PDE4D: variants seen among roughly 807,000 people sequenced by gnomAD.
The protein encoded by PDE4D is phosphodiesterase 4D, also known as 3',5'-cyclic-AMP phosphodiesterase 4D.
Under a neutral mutation model 87.4 loss-of-function variants are expected in PDE4D, and 24 were observed. The observed-to-expected ratio is 0.27, with a 90% CI of 0.20 to 0.39. PDE4D has a LOEUF of 0.39. Ranked by LOEUF, PDE4D falls within the 10% of genes least tolerant of loss-of-function variation. The probability of loss-of-function intolerance (pLI) is 1.00; values close to 1 mark genes in which losing one functional copy is unlikely to be tolerated. For synonymous variants in PDE4D, 384 were observed against 383.2 expected, an observed-to-expected ratio of 1.00 and a Z score of -0.02; for missense variants, 714 against 1,041.0, an observed-to-expected ratio of 0.69 and a Z score of 4.32.
chr5:59,204,669 C>T (rs532518431), intron 2 of PDE4D, among the ~76,000 whole-genome samples: 1 of 152,212 alleles, frequency 6.6e-6, no homozygotes, highest in East Asian at 1.9e-4. Flanking sequence ...AGAAAGACAG[C>T]GAAAGAGTTG....
intron 5 of PDE4D, chr5:59,180,236 AATG>A (rs1384938824): frequency 2.6e-6 from 1 of 387,338 alleles, no homozygotes; most frequent in Non-Finnish European, 5.0e-6. Flanking sequence ...TATTAAACTA[AATG>A]ATGACATATT....
intron 1 of PDE4D, among the ~76,000 whole-genome samples, chr5:59,556,940 T>A (rs1377156008): frequency 6.6e-6 from 1 of 152,142 alleles, no homozygotes; most frequent in Admixed American, 6.5e-5. Flanking sequence ...GGCAAATACA[T>A]AAAATGACTT....
chr5:60,308,520 G>C (rs989226729), intron 1 of PDE4D, among the ~76,000 whole-genome samples: 6 of 152,066 alleles, frequency 3.9e-5, no homozygotes, highest in Non-Finnish European at 7.4e-5. Context: ...GTAATTGGTG[G>C]CAAAACTAAT....
At chr5:60,467,195 A>G (rs757483785) in intron 1 of PDE4D, among the ~76,000 whole-genome samples, 1 of 151,874 alleles carries the variant, frequency 6.6e-6, no homozygotes, top group Non-Finnish European at 1.5e-5. Context: ...ACACACCACC[A>G]CACCCAGCTA....
chr5:59,811,089 A>G (rs189073794), intron 1 of PDE4D, among the ~76,000 whole-genome samples: 1 of 152,326 alleles, frequency 6.6e-6, no homozygotes, highest in Non-Finnish European at 1.5e-5. Flanking sequence ...TCAAGGAGAA[A>G]GCAGAGAGAA....
chr5:59,088,776 T>C (rs1176941670), intron 5 of PDE4D, among the ~76,000 whole-genome samples: 1 of 152,094 alleles, frequency 6.6e-6, no homozygotes, highest in African/African-American at 2.4e-5. Flanking sequence ...ACAGACACTG[T>C]GACCTATCAG....
intron 2 of PDE4D, among the ~76,000 whole-genome samples, chr5:60,005,093 G>A (rs1218103890): frequency 2.0e-5 from 3 of 152,142 alleles, no homozygotes; most frequent in South Asian, 2.1e-4. Flanking sequence ...AAACTGTGGT[G>A]TATATACAAT....
intron 1 of PDE4D, among the ~76,000 whole-genome samples, chr5:60,322,689 C>A (rs1337659240): frequency 1.3e-5 from 2 of 152,164 alleles, no homozygotes; most frequent in Admixed American, 1.3e-4. Flanking sequence ...TAAGTCTTTA[C>A]CAATGGCTTT....
At chr5:60,122,546 C>T (rs2149381593) in intron 2 of PDE4D, among the ~76,000 whole-genome samples, 1 of 152,306 alleles carries the variant, frequency 6.6e-6, no homozygotes, top group South Asian at 2.1e-4. Flanking sequence ...TACTTTGGCC[C>T]CTTTTAGTCA....
intron 1 of PDE4D, among the ~76,000 whole-genome samples, chr5:59,847,733 T>A (rs1744072660): frequency 6.6e-6 from 1 of 152,084 alleles, no homozygotes; most frequent in Non-Finnish European, 1.5e-5. Context: ...CTGAGCCCAG[T>A]AACTCCATAT....
intron 1 of PDE4D, among the ~76,000 whole-genome samples, chr5:59,316,137 C>G (rs1221525049): frequency 6.6e-6 from 1 of 152,088 alleles, no homozygotes; most frequent in Non-Finnish European, 1.5e-5. Context: ...AACATTTAGA[C>G]TCTTTATTTC....
At chr5:59,693,716 C>T (rs1244833841) in intron 1 of PDE4D, among the ~76,000 whole-genome samples, 1 of 152,096 alleles carries the variant, frequency 6.6e-6, no homozygotes, top group Non-Finnish European at 1.5e-5. Context: ...ATGGAGTGTA[C>T]TTGTTGAATA....
At chr5:59,639,574 G>A (rs914109449) in intron 1 of PDE4D, among the ~76,000 whole-genome samples, 3 of 152,212 alleles carry the variant, frequency 2.0e-5, no homozygotes, top group East Asian at 3.9e-4. Context: ...GAAAAGTCAC[G>A]GGTGGCCTGA....
At chr5:60,207,026 A>G (rs557757306) in intron 1 of PDE4D, among the ~76,000 whole-genome samples, 2 of 152,248 alleles carry the variant, frequency 1.3e-5, no homozygotes, top group Non-Finnish European at 2.9e-5. Context: ...ACATGAAAAC[A>G]AAGTGTGTAA....
At chr5:60,080,066 T>C (rs1308289147) in intron 2 of PDE4D, among the ~76,000 whole-genome samples, 1 of 152,214 alleles carries the variant, frequency 6.6e-6, no homozygotes, top group Non-Finnish European at 1.5e-5. Context: ...CAGTGGCTTA[T>C]AGTTCTCCTT....
chr5:59,762,027 A>C (rs1762028401), intron 1 of PDE4D, among the ~76,000 whole-genome samples: 1 of 152,050 alleles, frequency 6.6e-6, no homozygotes, highest in African/African-American at 2.4e-5. Context: ...GACCACCATC[A>C]AATATGCAGT....
chr5:60,295,242 C>T (rs1312631786), intron 1 of PDE4D, among the ~76,000 whole-genome samples: 3 of 152,190 alleles, frequency 2.0e-5, no homozygotes, highest in African/African-American at 7.2e-5. Flanking sequence ...TTCAAGTCCC[C>T]TTTATGGAAG....
chr5:60,426,685 A>G (rs1432217166), intron 1 of PDE4D, among the ~76,000 whole-genome samples: 2 of 152,234 alleles, frequency 1.3e-5, no homozygotes, highest in African/African-American at 4.8e-5. Context: ...CATAATTTAA[A>G]AAAATGAAAA....
intron 1 of PDE4D, among the ~76,000 whole-genome samples, chr5:59,450,760 C>T (rs1456346685): frequency 6.6e-6 from 1 of 152,192 alleles, no homozygotes; most frequent in Non-Finnish European, 1.5e-5. Flanking sequence ...TCTACTCCCA[C>T]AGTCATCATT....
Sources: gnomAD v4.1 joint callset for allele counts (sites outside exome capture counted in the v4.1 genomes callset) on GRCh38, gnomAD v4.1.1 for gene constraint, MANE v1.5 for transcripts, NCBI Gene and HGNC (gene_info 2026-07-23, HGNC 2026-07-21) for gene names.